Variants in SNX29 observed in about 807,000 individuals in gnomAD.
SNX29 encodes sorting nexin-29.
In SNX29, 78 loss-of-function variants were observed where a neutral mutation model predicts 102.1. The observed-to-expected ratio is 0.76, with a 90% CI of 0.64 to 0.92. The LOEUF is 0.92. Ranked by LOEUF, SNX29 falls within the 40% of genes least tolerant of loss-of-function variation. SNX29 has a pLI of 0.00. For synonymous variants in SNX29, 580 were observed against 414.5 expected, an observed-to-expected ratio of 1.40 and a Z score of -4.85; for missense variants, 1,280 against 1,061.7, an observed-to-expected ratio of 1.21 and a Z score of -2.86.
intron 15 of SNX29, among the ~76,000 whole-genome samples, chr16:12,319,657 A>G (rs2080864454): frequency 6.6e-6 from 1 of 152,154 alleles, no homozygotes; most frequent in Non-Finnish European, 1.5e-5. Flanking sequence ...GGCTGGTTTC[A>G]CAGACCAGGA....
chr16:12,431,820 C>T (rs969266367), intron 18 of SNX29, among the ~76,000 whole-genome samples: 1 of 152,252 alleles, frequency 6.6e-6, no homozygotes, highest in Non-Finnish European at 1.5e-5. Context: ...ATAGCTTTAG[C>T]TCACAAGCTG....
chr16:12,177,043 G>T (rs147720929), intron 13 of SNX29, among the ~76,000 whole-genome samples: 1 of 152,102 alleles, frequency 6.6e-6, no homozygotes. Flanking sequence ...CAACTCCTGG[G>T]ATCAAGCAAT....
intron 1 of SNX29, among the ~76,000 whole-genome samples, chr16:11,984,396 T>G (rs973466358): frequency 2.1e-4 from 19 of 88,768 alleles, no homozygotes; most frequent in Admixed American, 1.8e-3. Flanking sequence ...AAGAAAAGAT[T>G]GAGACTGATA....
chr16:12,090,396 A>G (rs572446896), intron 11 of SNX29: 3 of 151,854 alleles, frequency 2.0e-5, no homozygotes, highest in African/African-American at 7.3e-5. Flanking sequence ...AGTGGGAGGG[A>G]ATGGGGGTAA....
intron 13 of SNX29, among the ~76,000 whole-genome samples, chr16:12,150,112 A>C (rs55925548): frequency 0.18 from 28,005 of 152,120 alleles, 2,948 homozygotes; most frequent in Middle Eastern, 0.24. Flanking sequence ...ATAGTGGGCA[A>C]CTATTGAAGG....
chr16:12,122,339 G>T (rs2054008477), intron 11 of SNX29, among the ~76,000 whole-genome samples: 1 of 152,086 alleles, frequency 6.6e-6, no homozygotes, highest in African/African-American at 2.4e-5. Context: ...GGTACCCTTG[G>T]TCTCACTGAT....
At chr16:12,381,920 C>G (rs1212574337) in intron 16 of SNX29, among the ~76,000 whole-genome samples, 1 of 150,968 alleles carries the variant, frequency 6.6e-6, no homozygotes, top group East Asian at 2.0e-4. Context: ...CTACCCACCC[C>G]ACCCACACAT....
chr16:12,495,220 C>T (rs547119164), intron 19 of SNX29, among the ~76,000 whole-genome samples: 10 of 152,206 alleles, frequency 6.6e-5, no homozygotes, highest in South Asian at 2.1e-4. Flanking sequence ...GGCATGGTCT[C>T]GGCTCACTGC....
intron 15 of SNX29, among the ~76,000 whole-genome samples, chr16:12,292,105 C>A (rs1368379676): frequency 6.6e-6 from 1 of 152,132 alleles, no homozygotes; most frequent in Non-Finnish European, 1.5e-5. Context: ...CAGAAATGTT[C>A]ATTTCGAAGC....
intron 20 of SNX29, among the ~76,000 whole-genome samples, chr16:12,562,322 C>T (rs1019506325): frequency 6.6e-6 from 1 of 152,186 alleles, no homozygotes; most frequent in Non-Finnish European, 1.5e-5. Flanking sequence ...GTCCCAAGAA[C>T]CTGCAGGGCA....
chr16:12,356,326 A>C (rs752538271), intron 16 of SNX29, 47 bp downstream of exon 16: 27 of 1,512,934 alleles, frequency 1.8e-5, no homozygotes, highest in South Asian at 8.4e-5. Flanking sequence ...TCTGCTGCCC[A>C]CAGCCCAGTA....
At position 12,362,564 on chromosome 16, in the gene SNX29, C is replaced by CA. The variant is rs1341681368; in HGVS notation, c.1899+6285_1899+6286insA. On this transcript the variant is annotated intron_variant, in intron 16 of 20. Transcript: ENST00000566228. ...TTTGGCTGCTGCACTCCCCCCCCAC[C>CA]CCCCCCCCCACCAGTTTCTCCTCAT... 1.5e-4 allele frequency among the ~76,000 whole-genome samples: 9 copies of CA among 60,364 alleles called. 1 individual carries two copies. Among genetic ancestry groups the CA allele is most frequent in the African/African-American group, 4.9e-4 (8 of 16,472 alleles). 39.6% of individuals were successfully genotyped at this position (60,364 alleles called of 152,430 possible).
At chr16:12,125,603 CTCTTTTTTTTTTTTTTTTT>C (rs2054174320) in intron 11 of SNX29, among the ~76,000 whole-genome samples, 1 of 71,496 alleles carries the variant, frequency 1.4e-5, no homozygotes, top group Non-Finnish European at 2.7e-5. Context: ...GCTGAGATCT[CTCTTTTTTTTTTTTTTTTT>C]TTTTTTTTTT....
chr16:12,385,701 T>C (rs2083316676), intron 16 of SNX29, among the ~76,000 whole-genome samples: 1 of 152,248 alleles, frequency 6.6e-6, no homozygotes, highest in African/African-American at 2.4e-5. Flanking sequence ...TCTAGGCCAC[T>C]TAGCTATATC....
At chr16:12,545,922 C>A (rs954360449) in intron 20 of SNX29, among the ~76,000 whole-genome samples, 1 of 152,072 alleles carries the variant, frequency 6.6e-6, no homozygotes, top group East Asian at 1.9e-4. Flanking sequence ...GTGTTCGGGG[C>A]TATTAATATT....
At chr16:12,323,458 G>A (rs1280465693) in intron 15 of SNX29, among the ~76,000 whole-genome samples, 3 of 151,472 alleles carry the variant, frequency 2.0e-5, no homozygotes, top group Non-Finnish European at 2.9e-5. Context: ...AAAGTACCAT[G>A]ATGAATACAA....
intron 3 of SNX29, among the ~76,000 whole-genome samples, chr16:12,013,499 AAATATATATATATATATATATAT>A (rs2044063432): frequency 4.3e-5 from 3 of 69,002 alleles, no homozygotes; most frequent in South Asian, 6.4e-4. Context: ...AAAAAAAAAA[AAATATATATATATATATATATAT>A]ATATATATAT....
intron 11 of SNX29, among the ~76,000 whole-genome samples, chr16:12,109,495 A>G (rs2053416534): frequency 6.6e-6 from 1 of 152,160 alleles, no homozygotes; most frequent in Non-Finnish European, 1.5e-5. Flanking sequence ...ACTGGGGCTT[A>G]AATTTCACTG....
chr16:12,526,679 G>C (rs1419028573), intron 20 of SNX29: 1 of 504,470 alleles, frequency 2.0e-6, no homozygotes, highest in Non-Finnish European at 3.8e-6. Flanking sequence ...CGCATCGACT[G>C]AATTCCCTGG....
Sources: allele counts gnomAD v4.1 joint callset (sites outside exome capture counted in the v4.1 genomes callset), GRCh38; gene constraint gnomAD v4.1.1; transcripts MANE v1.5; gene names NCBI Gene and HGNC (gene_info 2026-07-23, HGNC 2026-07-21).